Variants in ROBO1 observed in about 807,000 individuals in gnomAD.
ROBO1 encodes roundabout homolog 1.
A neutral mutation model predicts 195.9 loss-of-function variants in ROBO1; 149 were observed. That is an observed-to-expected ratio of 0.76 (90% CI 0.67 to 0.87). The LOEUF (loss-of-function observed/expected upper bound fraction) is 0.87, where lower values mean the gene tolerates loss of function less well. Among genes scored for constraint, ROBO1 ranks in the 40% least tolerant of loss-of-function variants. The pLI is 0.00. For missense variants in ROBO1, 1,933 were observed against 2,068.3 expected, an observed-to-expected ratio of 0.93 and a Z score of 1.27; for synonymous variants, 816 against 733.2, an observed-to-expected ratio of 1.11 and a Z score of -1.82.
intron 1 of ROBO1, among the ~76,000 whole-genome samples, chr3:79,673,693 G>A (rs11127655): frequency 0.012 from 1,833 of 152,026 alleles, 46 homozygotes; most frequent in African/African-American, 0.041. Flanking sequence ...TTTAAGATTC[G>A]TCTGAGGTAT....
chr3:79,566,179 T>C (rs920069158), intron 2 of ROBO1, among the ~76,000 whole-genome samples: 1 of 152,146 alleles, frequency 6.6e-6, no homozygotes, highest in Admixed American at 6.6e-5. Context: ...GAAAAGTCTT[T>C]TCTCTTTTGC....
rs1385657887 is a variant in ROBO1 at position 78,842,291 on chromosome 3, A to G, written c.500-95391T>C. On this transcript the variant is annotated intron_variant, in intron 4 of 30. Coordinates refer to ENST00000464233, the MANE Select transcript of ROBO1 (RefSeq NM_002941.4). ...ATGAGCCATATATATATTTATATATATGAGCCATATATATATTTATATATA... is the reference window on the plus strand; with the variant it reads ...ATGAGCCATATATATATTTATATATGTGAGCCATATATATATTTATATATA... Among the ~76,000 whole-genome samples the G allele has an allele frequency of 4.7e-3, 610 of 130,906 alleles. 97 individuals carry two copies. The highest frequency in any genetic ancestry group is 0.019 in the African/African-American group (593 of 31,346). 85.9% of individuals were successfully genotyped at this position (130,906 alleles called of 152,430 possible).
intron 2 of ROBO1, among the ~76,000 whole-genome samples, chr3:79,456,286 A>G (rs1419145001): frequency 6.6e-6 from 1 of 152,186 alleles, no homozygotes; most frequent in East Asian, 1.9e-4. Context: ...AATCTTAAGT[A>G]TTTCTCAGAA....
intron 3 of ROBO1, among the ~76,000 whole-genome samples, chr3:78,979,741 T>C (rs974303933): frequency 6.6e-6 from 1 of 151,860 alleles, no homozygotes; most frequent in African/African-American, 2.4e-5. Context: ...GAAAGCCCCC[T>C]GGCATAAGAA....
intron 3 of ROBO1, among the ~76,000 whole-genome samples, chr3:78,958,153 A>G (rs1203422215): frequency 2.6e-5 from 4 of 152,212 alleles, no homozygotes; most frequent in African/African-American, 9.6e-5. Flanking sequence ...TTTACTACAT[A>G]TATGCATAAA....
chr3:78,895,296 TAGAAA>T (rs1348401757), intron 4 of ROBO1, among the ~76,000 whole-genome samples: 4 of 150,684 alleles, frequency 2.7e-5, no homozygotes, highest in Admixed American at 6.6e-5. Context: ...TAAACATAAA[TAGAAA>T]AGAAAAGGGA....
intron 1 of ROBO1, among the ~76,000 whole-genome samples, chr3:79,705,489 T>G (rs1947742505): frequency 6.6e-6 from 1 of 152,076 alleles, no homozygotes; most frequent in African/African-American, 2.4e-5. Context: ...ATTGCCATAT[T>G]TATTTATGTG....
chr3:78,915,087 G>C (rs531653225), intron 4 of ROBO1, among the ~76,000 whole-genome samples: 1 of 152,020 alleles, frequency 6.6e-6, no homozygotes, highest in Non-Finnish European at 1.5e-5. Context: ...CTCTTATTCC[G>C]CATGTGGCAT....
intron 1 of ROBO1, among the ~76,000 whole-genome samples, chr3:79,725,213 CT>C (rs1702862311): frequency 6.8e-6 from 1 of 146,002 alleles, no homozygotes; most frequent in East Asian, 2.1e-4. Context: ...TGAGAAACAT[CT>C]CTCTTCTTCT....
chr3:78,995,919 A>G (rs141186374), intron 3 of ROBO1, among the ~76,000 whole-genome samples: 1 of 152,256 alleles, frequency 6.6e-6, no homozygotes, highest in East Asian at 1.9e-4. Flanking sequence ...AGATGTGGGC[A>G]TACATGATAT....
At chr3:79,710,471 AT>A (rs1351004325) in intron 1 of ROBO1, among the ~76,000 whole-genome samples, 1 of 152,134 alleles carries the variant, frequency 6.6e-6, no homozygotes, top group Non-Finnish European at 1.5e-5. Flanking sequence ...CAGCAAAATC[AT>A]TTTTCAGAAA....
In ROBO1 at chr3:79,377,621, A is replaced by G. The variant is rs149508257; in HGVS notation, c.88+212203T>C. ...CCTAATATTTATGTTTATCCTCTTC[A>G]TTATACCCTGTGTCATATGTTATTT... On this transcript the variant is annotated intron_variant, in intron 2 of 30. Coordinates refer to ENST00000464233, the MANE Select transcript of ROBO1 (RefSeq NM_002941.4). Among the ~76,000 whole-genome samples, 4 of 152,108 alleles carry G rather than the reference A, an allele frequency of 2.6e-5. No individual in the cohort carries two copies. In the South Asian group the frequency reaches 8.3e-4, roughly 32 times the overall value.
chr3:79,689,825 T>TGTTTTG (rs1947247158), intron 1 of ROBO1, among the ~76,000 whole-genome samples: 1 of 152,042 alleles, frequency 6.6e-6, no homozygotes, highest in African/African-American at 2.4e-5. Context: ...TAGCAAAATG[T>TGTTTTG]CTACACAGAA....
intron 2 of ROBO1, among the ~76,000 whole-genome samples, chr3:79,486,738 A>G (rs1049961733): frequency 3.9e-5 from 6 of 152,202 alleles, no homozygotes; most frequent in Non-Finnish European, 5.9e-5. Context: ...ATGCCACCCC[A>G]AAATATGCCA....
chr3:78,847,022 A>C (rs1014903206), intron 4 of ROBO1, among the ~76,000 whole-genome samples: 1 of 152,172 alleles, frequency 6.6e-6, no homozygotes, highest in Non-Finnish European at 1.5e-5. Context: ...GAAGGCGATA[A>C]TGCTGTGTCT....
At chr3:79,521,485 C>A (rs1420136517) in intron 2 of ROBO1, among the ~76,000 whole-genome samples, 2 of 152,050 alleles carry the variant, frequency 1.3e-5, no homozygotes, top group African/African-American at 2.4e-5. Context: ...CTTCCGACAT[C>A]GATCTAATTC....
chr3:79,410,261 C>A (rs1388668272), intron 2 of ROBO1, among the ~76,000 whole-genome samples: 3 of 151,812 alleles, frequency 2.0e-5, no homozygotes, highest in Non-Finnish European at 4.4e-5. Flanking sequence ...GACTTTCAGG[C>A]AAAACAAGCA....
intron 4 of ROBO1, among the ~76,000 whole-genome samples, chr3:78,889,314 G>C (rs1396481725): frequency 6.6e-6 from 1 of 152,122 alleles, no homozygotes; most frequent in Non-Finnish European, 1.5e-5. Context: ...ACATGTCAGG[G>C]GAACCCTAGA....
At chr3:79,541,204 A>G (rs2107641496) in intron 2 of ROBO1, among the ~76,000 whole-genome samples, 1 of 152,262 alleles carries the variant, frequency 6.6e-6, no homozygotes, top group South Asian at 2.1e-4. Flanking sequence ...TACAGAAAAC[A>G]ATCACGTTAA....
Sources: gnomAD v4.1 joint callset for allele counts (sites outside exome capture counted in the v4.1 genomes callset) on GRCh38, gnomAD v4.1.1 for gene constraint, MANE v1.5 for transcripts, NCBI Gene and HGNC (gene_info 2026-07-23, HGNC 2026-07-21) for gene names.